SNTG2: variants seen among roughly 807,000 people sequenced by gnomAD.
SNTG2 encodes the protein gamma-2-syntrophin.
Under a neutral mutation model 70.9 loss-of-function variants are expected in SNTG2, and 74 were observed. That is an observed-to-expected ratio of 1.04 (90% CI 0.86 to 1.27). SNTG2 has a LOEUF of 1.27. Among genes scored for constraint, SNTG2 ranks in the 50% most tolerant of loss-of-function variants. The pLI is 0.00. For missense variants in SNTG2, 717 were observed against 690.7 expected (o/e 1.04, Z -0.43); for synonymous variants, 278 against 273.8 (o/e 1.02, Z -0.15).
chr2:1,117,751 G>C (rs1667128912), intron 4 of SNTG2, among the ~76,000 whole-genome samples: 2 of 152,208 alleles, frequency 1.3e-5, no homozygotes, highest in African/African-American at 4.8e-5. Flanking sequence ...CCCACCTTGT[G>C]GGCCCCAGGC....
chr2:1,211,734 C>T (rs899546157), intron 9 of SNTG2, among the ~76,000 whole-genome samples: 6 of 152,138 alleles, frequency 3.9e-5, no homozygotes, highest in African/African-American at 1.4e-4. Flanking sequence ...AAAACCCACC[C>T]CCATGATTCA....
intron 11 of SNTG2, among the ~76,000 whole-genome samples, chr2:1,244,327 T>A (rs967507531): frequency 1.3e-5 from 2 of 152,178 alleles, no homozygotes; most frequent in African/African-American, 4.8e-5. Context: ...ACTTTGTGAT[T>A]TGACGAGGAT....
chr2:1,187,194 T>C (rs1249400958), intron 8 of SNTG2, among the ~76,000 whole-genome samples: 1 of 152,212 alleles, frequency 6.6e-6, no homozygotes, highest in Non-Finnish European at 1.5e-5. Flanking sequence ...GAAAGAACAA[T>C]GTATCCAAGG....
intron 7 of SNTG2, among the ~76,000 whole-genome samples, chr2:1,168,079 A>AGCCT (rs1670862306): frequency 7.6e-6 from 1 of 131,244 alleles, no homozygotes; most frequent in African/African-American, 3.1e-5. Context: ...GCAGAACTGA[A>AGCCT]ACCTACAGGC....
intron 1 of SNTG2, among the ~76,000 whole-genome samples, chr2:1,029,024 G>A (rs1660661594): frequency 6.6e-6 from 1 of 152,160 alleles, no homozygotes; most frequent in African/African-American, 2.4e-5. Flanking sequence ...GCTGGAGTGT[G>A]GCTTCAGGCA....
intron 12 of SNTG2, 69 bp from the exon 13 acceptor site, chr2:1,259,301 G>A (rs1234708110): frequency 6.9e-7 from 1 of 1,441,424 alleles, no homozygotes; most frequent in Non-Finnish European, 9.7e-7. Context: ...TCACACTATT[G>A]TAAATTTTTA....
chr2:1,284,428 G>C (rs572161218), intron 14 of SNTG2, among the ~76,000 whole-genome samples: 3 of 152,152 alleles, frequency 2.0e-5, no homozygotes, highest in Non-Finnish European at 4.4e-5. Flanking sequence ...ATGCGAGCTC[G>C]GTGATGGCAG....
rs534432164 is a variant in SNTG2, at chr2:1,028,110, C to T, written c.73-55408C>T. On this transcript the variant is annotated intron_variant, in intron 1 of 16. Coordinates refer to ENST00000308624, the MANE Select transcript of SNTG2 (RefSeq NM_018968.4). ...CACAGGCACTACTCAGCAAGTAACT[C>T]ATGCATCTCTGTTGAGTAAAGAGAT... Among the ~76,000 whole-genome samples the T allele has an allele frequency of 2.0e-5, 3 of 150,758 alleles. No homozygotes were observed. The East Asian group carries it at 6.0e-4, about 30-fold the overall frequency.
At chr2:1,254,395 T>C (rs190183443) in intron 12 of SNTG2, among the ~76,000 whole-genome samples, 1 of 152,350 alleles carries the variant, frequency 6.6e-6, no homozygotes, top group Admixed American at 6.5e-5. Flanking sequence ...ATGTTTCAGT[T>C]ATTCCTGTTT....
chr2:1,188,866 A>G (rs1007627881), intron 8 of SNTG2, among the ~76,000 whole-genome samples: 15 of 152,154 alleles, frequency 9.9e-5, no homozygotes, highest in African/African-American at 3.6e-4. Flanking sequence ...AATCTTAATA[A>G]ATATATTTTT....
intron 1 of SNTG2, among the ~76,000 whole-genome samples, chr2:1,009,986 A>G (rs1460301469): frequency 1.3e-5 from 2 of 152,112 alleles, no homozygotes; most frequent in Admixed American, 1.3e-4. Context: ...CGTTTGGGGG[A>G]AGGAGCAGTA....
chr2:1,149,226 A>ACACACG (rs1669306003), intron 6 of SNTG2, among the ~76,000 whole-genome samples: 1 of 151,592 alleles, frequency 6.6e-6, no homozygotes, highest in Non-Finnish European at 1.5e-5. Flanking sequence ...AGACACACAC[A>ACACACG]CACGGGGAGC....
chr2:1,209,054 G>T (rs1358819936), intron 8 of SNTG2, 49 bp from the exon 9 acceptor site: 1 of 1,601,210 alleles, frequency 6.2e-7, no homozygotes, highest in Non-Finnish European at 8.5e-7. Context: ...CTCCCCGCAT[G>T]CAGCCTCCTC....
chr2:1,348,726 C>T (rs915762836), intron 16 of SNTG2, among the ~76,000 whole-genome samples: 12 of 152,182 alleles, frequency 7.9e-5, no homozygotes, highest in East Asian at 3.9e-4. Flanking sequence ...CTCCCGAGGG[C>T]GGTGTCACAG....
chr2:1,268,150 A>C (rs1429085115), intron 14 of SNTG2, among the ~76,000 whole-genome samples: 1 of 152,152 alleles, frequency 6.6e-6, no homozygotes, highest in Non-Finnish European at 1.5e-5. Context: ...CCTTATCCTA[A>C]ATAGCGGGAT....
chr2:1,352,950 C>T (rs896482021), intron 16 of SNTG2, among the ~76,000 whole-genome samples: 7 of 152,132 alleles, frequency 4.6e-5, no homozygotes, highest in Non-Finnish European at 7.3e-5. Flanking sequence ...CATCAGCCAC[C>T]TCATTCAGTC....
intron 2 of SNTG2, among the ~76,000 whole-genome samples, chr2:1,084,293 C>T (rs1572392164): frequency 6.6e-6 from 1 of 152,172 alleles, no homozygotes; most frequent in East Asian, 1.9e-4. Context: ...ATCAGTGTTT[C>T]TGAAAGAGGT....
intron 1 of SNTG2, among the ~76,000 whole-genome samples, chr2:1,037,516 C>A (rs1661197563): frequency 6.6e-6 from 1 of 152,154 alleles, no homozygotes; most frequent in Admixed American, 6.5e-5. Flanking sequence ...GCTCCCTGCC[C>A]CAGTCCCTGG....
chr2:971,428 T>A (rs1660735636), intron 1 of SNTG2, among the ~76,000 whole-genome samples: 1 of 152,126 alleles, frequency 6.6e-6, no homozygotes, highest in Non-Finnish European at 1.5e-5. Context: ...TTCTTTTAGG[T>A]TTTTTAGTTT....
Sources: allele counts gnomAD v4.1 joint callset (sites outside exome capture counted in the v4.1 genomes callset), GRCh38; gene constraint gnomAD v4.1.1; transcripts MANE v1.5; gene names NCBI Gene and HGNC (gene_info 2026-07-23, HGNC 2026-07-21).